Variants in SLC39A2 observed in about 807,000 individuals in gnomAD.
The protein encoded by SLC39A2 is zinc transporter ZIP2.
SLC39A2 carries 14 observed loss-of-function variants against 18.0 expected under a neutral mutation model. That is an observed-to-expected ratio of 0.78 (90% CI 0.51 to 1.22). SLC39A2 has a LOEUF of 1.22. Ranked by LOEUF, SLC39A2 falls within the 50% of genes most tolerant of loss-of-function variation. The pLI, the probability that SLC39A2 is intolerant of heterozygous loss-of-function variation, is 0.00. For missense variants in SLC39A2, 375 were observed against 370.6 expected (o/e 1.01, Z -0.10); for synonymous variants, 152 against 153.1 (o/e 0.99, Z 0.05).
Position 20,999,368 on chromosome 14 carries a change from C to A in SLC39A2, c.-79C>A. ...CGAGAGTGGACACTCCAGTGTTGACCACCTAAGATACCACTCCTGCTCCAA... is the reference window on the plus strand; with the variant it reads ...CGAGAGTGGACACTCCAGTGTTGACAACCTAAGATACCACTCCTGCTCCAA... On this transcript the variant is annotated 5_prime_UTR_variant, in exon 1 of 4. Coordinates refer to ENST00000298681, the MANE Select transcript of SLC39A2 (RefSeq NM_014579.4). 1 of 1,047,248 alleles carries A rather than the reference C, an allele frequency of 9.5e-7. No homozygotes were observed. Among genetic ancestry groups the A allele is most frequent in the Non-Finnish European group, 1.5e-6 (1 of 669,136 alleles). 64.9% of individuals were successfully genotyped at this position (1,047,248 alleles called of 1,614,324 possible). A position where few individuals can be genotyped will look rare whatever the true frequency, so the allele number is the denominator to read the frequency against.
chr14:21,001,438 T>A lies in SLC39A2; in HGVS notation c.789T>A (p.Gly263=). Reference sequence around the variant, plus strand: ...GCTTAGCCCAGGCTGTGTTAGAGGGTGTGGCAGCTGGTACCTTCCTGTATG... The same window carrying A: ...GCTTAGCCCAGGCTGTGTTAGAGGGAGTGGCAGCTGGTACCTTCCTGTATG... ...GRGLAQAVLE[G]VAAGTFLYVT... is the part of the protein sequence containing the mutation. The change falls in exon 4 of 4, where the codon GGT becomes GGA. Residue 263 remains glycine (G), a synonymous_variant. Coordinates refer to ENST00000298681, the MANE Select transcript of SLC39A2 (RefSeq NM_014579.4). The A allele has an allele frequency of 1.2e-6, 2 of 1,614,030 alleles. No homozygotes were observed. Among genetic ancestry groups the A allele is most frequent in the Non-Finnish European group, 1.7e-6 (2 of 1,179,924 alleles).
chr14:21,001,629 C>T lies in SLC39A2; in HGVS notation c.*50C>T, dbSNP rs947248010. 1.9e-5 allele frequency: 29 copies of T among 1,496,422 alleles called. No individual in the cohort carries two copies. Among genetic ancestry groups the T allele is most frequent in the Non-Finnish European group, 2.6e-5 (29 of 1,119,066 alleles). The allele number at this position is 1,496,422 out of a possible 1,614,324, so 92.7% of individuals were successfully genotyped here. On this transcript the variant is annotated 3_prime_UTR_variant, in exon 4 of 4. Transcript: ENST00000298681. ...CCTATTTAGGACAACCTCTCTATCC[C>T]CAGGGAGACCTCCCAAATGGCTTTG...
rs769779356 is a variant in SLC39A2 at position 20,999,477 on chromosome 14, T to A, written c.31T>A (p.Cys11Ser). Residue 11 changes from cysteine to serine, a missense_variant, in exon 1 of 4, where the codon TGC becomes AGC. By Grantham distance (112) the Cys-to-Ser change is moderately radical (BLOSUM62 -1). Transcript: ENST00000298681. ...GCAACTACTAGGAATAAAACTTGGC[T>A]GCCTGTTTGCCCTGTTGGCTCTCAC... The part of the protein sequence containing the change: MEQLLGIKLG[C>S]LFALLALTLG... The A allele has an allele frequency of 6.2e-7, 1 of 1,614,204 alleles. No homozygotes were observed. Among genetic ancestry groups the A allele is most frequent in the East Asian group, 2.2e-5 (1 of 44,878 alleles).
chr14:21,001,789 G>C lies in SLC39A2; in HGVS notation c.*210G>C. On this transcript the variant is annotated 3_prime_UTR_variant, in exon 4 of 4. Coordinates refer to ENST00000298681, the MANE Select transcript of SLC39A2 (RefSeq NM_014579.4). ...TATTTAGGTTGAGCAGCTATTAATT[G>C]GAGAATTGGTACAGAGACGCTCCAG... 1 of 440,626 alleles carries C rather than the reference G, an allele frequency of 2.3e-6. No homozygotes were observed. Among genetic ancestry groups the C allele is most frequent in the Non-Finnish European group, 4.0e-6 (1 of 252,588 alleles). 27.3% of individuals were successfully genotyped at this position (440,626 alleles called of 1,614,324 possible).
chr14:21,000,573 G>A (rs1880580728), intron 3 of SLC39A2, among the ~76,000 whole-genome samples: 2 of 152,206 alleles, frequency 1.3e-5, no homozygotes, highest in South Asian at 4.1e-4. Flanking sequence ...CCGAGTTCTA[G>A]TGATTTTCCT....
In SLC39A2 at chr14:21,001,679, A is replaced by T; in HGVS notation, c.*100A>T. On this transcript the variant is annotated 3_prime_UTR_variant, in exon 4 of 4. Transcript: ENST00000298681. ...GACCCTCAGACATTTCTTTACTCAG[A>T]CTAAATAGCATTCAGTAGGACTGGA... The T allele has an allele frequency of 8.4e-7, 1 of 1,186,520 alleles. No individual in the cohort carries two copies. Among genetic ancestry groups the T allele is most frequent in the Non-Finnish European group, 1.2e-6 (1 of 849,106 alleles). 73.5% of individuals were successfully genotyped at this position (1,186,520 alleles called of 1,614,324 possible). A position where few individuals can be genotyped will look rare whatever the true frequency, so the allele number is the denominator to read the frequency against.
At chr14:21,000,920 T>C in intron 3 of SLC39A2, 27 bp from the exon 4 acceptor site, 1 of 1,444,768 alleles carries the variant, frequency 6.9e-7, no homozygotes, top group Non-Finnish European at 9.1e-7. Context: ...TTCCTTTCCA[T>C]CTCACAGCCC....
chr14:21,000,481 G>A (rs529962334), intron 3 of SLC39A2, among the ~76,000 whole-genome samples: 7 of 152,068 alleles, frequency 4.6e-5, no homozygotes, highest in South Asian at 2.1e-4. Context: ...GTTGTTTTTC[G>A]TTTGTTTGTT....
At position 20,999,529 on chromosome 14, in the gene SLC39A2, G is replaced by A. The variant is rs2138748297; in HGVS notation, c.83G>A (p.Cys28Tyr). 6.2e-7 allele frequency: 1 copy of A among 1,614,132 alleles called. No individual in the cohort carries two copies. The highest frequency in any genetic ancestry group is 2.2e-5 in the East Asian group (1 of 44,882). ...CTGGGCTGTGGCCTTACTCCCATCT[G>A]CTTCAAATGGTTCCAGATTGATGCA... ...LTLGCGLTPI[C>Y]FKWFQIDAAR... is the part of the protein sequence containing the mutation. The change falls in exon 1 of 4, where the codon TGC becomes TAC. Residue 28 changes from cysteine to tyrosine, a missense_variant. Cys to Tyr is a radical substitution (Grantham distance 194, BLOSUM62 -2). Coordinates refer to ENST00000298681, the MANE Select transcript of SLC39A2 (RefSeq NM_014579.4).
At position 21,001,288 on chromosome 14, in the gene SLC39A2, G is replaced by C; in HGVS notation, c.639G>C (p.Arg213=). 1 of 1,614,232 alleles carries C rather than the reference G, an allele frequency of 6.2e-7. No homozygotes were observed. Among genetic ancestry groups the C allele is most frequent in the Non-Finnish European group, 8.5e-7 (1 of 1,180,052 alleles). ...TTGTGGTGTTTGGTGTAGGAATGCG[G>C]CTAGTGCATTTAGGTACCAGCTCAC... The part of the protein sequence containing the change: ...KGLVVFGVGM[R]LVHLGTSSRW... The change falls in exon 4 of 4, where the codon CGG becomes CGC. Residue 213 remains arginine (R), a synonymous_variant. Coordinates refer to ENST00000298681, the MANE Select transcript of SLC39A2 (RefSeq NM_014579.4).
At position 20,999,839 on chromosome 14, in the gene SLC39A2, A is replaced by G. The variant is rs1169228111; in HGVS notation, c.213A>G (p.Glu71=). ...ATATGACTGCTGAAGCCCTGGAGGA[A>G]ATTGAATCACAGATTCAGAAGTTCA... ...FMHMTAEALE[E]IESQIQKFMV... is the part of the protein sequence containing the mutation. The change falls in exon 2 of 4, where the codon GAA becomes GAG. Residue 71 remains glutamate, a synonymous_variant. Transcript: ENST00000298681. 1.9e-6 allele frequency: 3 copies of G among 1,614,036 alleles called. No homozygotes were observed. Among genetic ancestry groups the G allele is most frequent in the Non-Finnish European group, 2.5e-6 (3 of 1,180,020 alleles).
intron 2 of SLC39A2, 106 bp from the exon 3 acceptor site, chr14:21,000,010 G>A (rs1017805112): frequency 4.3e-5 from 62 of 1,454,856 alleles, no homozygotes; most frequent in Admixed American, 2.2e-4. Flanking sequence ...GTGGGATGGT[G>A]AAAGCAAGTC....
At position 21,001,354 on chromosome 14, in the gene SLC39A2, C is replaced by A; in HGVS notation, c.705C>A (p.Ser235=). Reference sequence around the variant, plus strand: ...CCATACTATTATTAGCTCTCATGTCCCCCCTGGGCCTAGCCGTAGGGCTGG... The same window carrying A: ...CCATACTATTATTAGCTCTCATGTCACCCCTGGGCCTAGCCGTAGGGCTGG... ...VFSILLLALM[S]PLGLAVGLAV... Residue 235 remains serine (S), a synonymous_variant, in exon 4 of 4, where the codon TCC becomes TCA. Transcript: ENST00000298681. The A allele has an allele frequency of 6.2e-7, 1 of 1,614,188 alleles. No homozygotes were observed. The highest frequency in any genetic ancestry group is 8.5e-7 in the Non-Finnish European group (1 of 1,180,030).
rs759759527 is a variant in SLC39A2 at position 21,000,141 on chromosome 14, C to A, written c.272C>A (p.Ser91Tyr). The change falls in exon 3 of 4, where the codon TCT becomes TAT. Residue 91 changes from serine to tyrosine, a missense_variant. Transcript: ENST00000298681. ...AACAGATCAGCAAGTGAGAGAAATT[C>A]TTCTGGTGATGCTGATTCAGCTCAT... ...VQNRSASERN[S>Y]SGDADSAHME... The A allele has an allele frequency of 6.2e-7, 1 of 1,613,130 alleles. No individual in the cohort carries two copies. The highest frequency in any genetic ancestry group is 8.5e-7 in the Non-Finnish European group (1 of 1,179,548).
intron 2 of SLC39A2, 36 bp downstream of exon 2, chr14:20,999,908 G>T (rs1186440279): frequency 1.2e-6 from 2 of 1,611,940 alleles, no homozygotes; most frequent in African/African-American, 1.3e-5. Context: ...GGTCTATGAG[G>T]CCAAAATGAT....
In SLC39A2 at chr14:21,001,632, G is replaced by A; in HGVS notation, c.*53G>A. ...ATTTAGGACAACCTCTCTATCCCCAGGGAGACCTCCCAAATGGCTTTGACC... is the reference window on the plus strand; with the variant it reads ...ATTTAGGACAACCTCTCTATCCCCAAGGAGACCTCCCAAATGGCTTTGACC... On this transcript the variant is annotated 3_prime_UTR_variant, in exon 4 of 4. Transcript: ENST00000298681. 6.7e-6 allele frequency: 10 copies of A among 1,495,754 alleles called. No homozygotes were observed. The highest frequency in any genetic ancestry group is 8.9e-6 in the Non-Finnish European group (10 of 1,118,818). 92.7% of individuals were successfully genotyped at this position (1,495,754 alleles called of 1,614,324 possible).
At position 20,999,871 on chromosome 14, in the gene SLC39A2, A is replaced by G; in HGVS notation, c.245A>G (p.Gln82Arg). The G allele has an allele frequency of 6.2e-7, 1 of 1,613,934 alleles. No homozygotes were observed. The highest frequency in any genetic ancestry group is 8.5e-7 in the Non-Finnish European group (1 of 1,180,020). Reference protein sequence around the residue: ...IESQIQKFMVQNRSASERNSS... With the variant: ...IESQIQKFMVRNRSASERNSS... ...TCACAGATTCAGAAGTTCATGGTGC[A>G]GGTGAGAGCAGAGATTTCAAGCCGC... Residue 82 changes from glutamine (Q) to arginine (R), a missense_variant and splice_region_variant, in exon 2 of 4, where the codon CAG (glutamine) becomes CGG (arginine). Transcript: ENST00000298681.
chr14:21,001,830 CAT>C lies in SLC39A2; in HGVS notation c.*252_*253del, dbSNP rs974290741. 1.9e-4 allele frequency: 71 copies of C among 365,224 alleles called. No individual in the cohort carries two copies. Among genetic ancestry groups the C allele is most frequent in the African/African-American group, 1.3e-3 (63 of 48,144 alleles). 22.6% of individuals were successfully genotyped at this position (365,224 alleles called of 1,614,324 possible). On this transcript the variant is annotated 3_prime_UTR_variant, in exon 4 of 4. Transcript: ENST00000298681. ...GACGCTCCAGATTTTATTCTTATCC[CAT>C]TTATGCTACTGTGTGTAATAAAATG... is the stretch of plus-strand genomic sequence containing the variant.
In SLC39A2 at chr14:21,001,018, A is replaced by G. The variant is rs780308426; in HGVS notation, c.369A>G (p.Ala123=). 6.4e-7 allele frequency: 1 copy of G among 1,553,352 alleles called. No individual in the cohort carries two copies. Among genetic ancestry groups the G allele is most frequent in the East Asian group, 2.3e-5 (1 of 44,210 alleles). ...FFFVFFLESL[A]LQCCPGAAGG... is the part of the protein sequence containing the mutation. ...TTGTCTTCTTTTTGGAGTCGCTGGCATTGCAGTGCTGTCCTGGGGCTGCTG... is the reference window on the plus strand; with the variant it reads ...TTGTCTTCTTTTTGGAGTCGCTGGCGTTGCAGTGCTGTCCTGGGGCTGCTG... Residue 123 remains alanine (A), a synonymous_variant, in exon 4 of 4, where the codon GCA becomes GCG. Transcript: ENST00000298681.
Sources: gnomAD v4.1 joint callset for allele counts (sites outside exome capture counted in the v4.1 genomes callset) on GRCh38, gnomAD v4.1.1 for gene constraint, MANE v1.5 for transcripts, NCBI Gene and HGNC (gene_info 2026-07-23, HGNC 2026-07-21) for gene names.